AGK: variants seen among roughly 807,000 people sequenced by gnomAD.
AGK encodes acylglycerol kinase, mitochondrial.
AGK carries 52 observed loss-of-function variants against 66.4 expected under a neutral mutation model. The ratio of observed to expected loss-of-function variants is 0.78; its 90% CI spans 0.63 to 0.99. AGK has a LOEUF of 0.99. AGK is among the 50% of genes least tolerant of loss of function. AGK has a pLI of 0.00. For missense variants in AGK, 451 were observed against 506.6 expected, an observed-to-expected ratio of 0.89 and a Z score of 1.05; for synonymous variants, 182 against 181.1, an observed-to-expected ratio of 1.00 and a Z score of -0.04.
At chr7:141,649,129 G>T in intron 13 of AGK, 134 bp from the exon 14 acceptor site, 2 of 437,890 alleles carry the variant, frequency 4.6e-6, no homozygotes, top group Non-Finnish European at 8.2e-6. Flanking sequence ...AATAGGTTTG[G>T]AATTAAATCA....
chr7:141,641,020 GC>G (rs1797275739), intron 11 of AGK, among the ~76,000 whole-genome samples: 1 of 152,132 alleles, frequency 6.6e-6, no homozygotes, highest in Non-Finnish European at 1.5e-5. Flanking sequence ...TTTAGGGGGA[GC>G]AATGGAGGCA....
At position 141,650,751 on chromosome 7, in the gene AGK, C is replaced by T. The variant is rs916846877; in HGVS notation, c.1047-774C>T. 34 of 880,800 alleles carry T rather than the reference C, an allele frequency of 3.9e-5. No individual in the cohort carries two copies. The African/African-American group carries it at 5.6e-4, about 15-fold the overall frequency. 54.6% of individuals were successfully genotyped at this position (880,800 alleles called of 1,614,324 possible). A position where few individuals can be genotyped will look rare whatever the true frequency, so the allele number is the denominator to read the frequency against. ...AAGTAGACCGCGTTATAAATACAGT[C>T]ATCCCACGGTATCCTTGGGGTATTG... On this transcript the variant is annotated intron_variant, in intron 14 of 15. Transcript: ENST00000649286.
intron 2 of AGK, among the ~76,000 whole-genome samples, chr7:141,586,042 G>A (rs1479329285): frequency 6.6e-6 from 1 of 152,036 alleles, no homozygotes; most frequent in Non-Finnish European, 1.5e-5. Flanking sequence ...GAGGTCTTCA[G>A]TTCACATTCA....
chr7:141,609,038 G>A (rs1796521461), intron 5 of AGK, among the ~76,000 whole-genome samples: 1 of 152,112 alleles, frequency 6.6e-6, no homozygotes, highest in Non-Finnish European at 1.5e-5. Context: ...TAACTATAAA[G>A]CCCATAATTT....
At chr7:141,599,225 T>G (rs1796290134) in intron 4 of AGK, 1 of 152,166 alleles carries the variant, frequency 6.6e-6, no homozygotes, top group Non-Finnish European at 1.5e-5. Context: ...CATTATGTAG[T>G]ACTGGTTTAA....
At chr7:141,620,944 G>T (rs1796810509) in intron 8 of AGK, among the ~76,000 whole-genome samples, 1 of 152,188 alleles carries the variant, frequency 6.6e-6, no homozygotes, top group African/African-American at 2.4e-5. Context: ...ATTCTAGTCA[G>T]CTCCAGCCTT....
chr7:141,607,133 G>A (rs116459531), intron 5 of AGK, among the ~76,000 whole-genome samples: 9 of 152,018 alleles, frequency 5.9e-5, no homozygotes, highest in African/African-American at 1.9e-4. Context: ...GCAGGTTCTC[G>A]GGTGGACATA....
intron 9 of AGK, among the ~76,000 whole-genome samples, chr7:141,633,473 T>A (rs770734454): frequency 7.2e-5 from 11 of 152,230 alleles, no homozygotes; most frequent in Non-Finnish European, 1.5e-5. Flanking sequence ...AGGTGAAACA[T>A]TCTAGAGTAC....
rs1331967316 is a variant in AGK at position 141,598,007 on chromosome 7, C to T, written c.221+1366C>T. Among the ~76,000 whole-genome samples the T allele has an allele frequency of 6.8e-6, 1 of 146,202 alleles. No individual in the cohort carries two copies. The highest frequency in any genetic ancestry group is 1.5e-5 in the Non-Finnish European group (1 of 66,732). The stretch of plus-strand genomic sequence containing the variant: ...GACATTAAGGTAATAAGAACAACAA[C>T]AAGAAAGATAGTTTGGGCTGAATTG... On this transcript the variant is annotated intron_variant, in intron 4 of 15. Transcript: ENST00000649286. The surrounding 1 kb of genome is among the most constrained non-coding windows in gnomAD (Gnocchi z 4.2).
rs1796274872 is a variant in AGK, at chr7:141,598,558, T to C, written c.221+1917T>C. Among the ~76,000 whole-genome samples the C allele has an allele frequency of 6.6e-6, 1 of 152,214 alleles. No individual in the cohort carries two copies. Among genetic ancestry groups the C allele is most frequent in the South Asian group, 2.1e-4 (1 of 4,828 alleles). On this transcript the variant is annotated intron_variant, in intron 4 of 15. Transcript: ENST00000649286. This position sits in a 1 kb window ranked among gnomAD's most constrained non-coding sequence, Gnocchi z 4.2. ...AGGCAATAGTACATACTTTAAAAAT[T>C]ATTATGTGGAATAGGGACCTTTGGT...
chr7:141,624,024 GT>G (rs1796882661), intron 9 of AGK, among the ~76,000 whole-genome samples: 1 of 151,998 alleles, frequency 6.6e-6, no homozygotes, highest in Non-Finnish European at 1.5e-5. Flanking sequence ...TTACAGCATA[GT>G]TTACTGAATA....
chr7:141,637,088 AT>A (rs199629817), intron 11 of AGK, 71 bp downstream of exon 11: 2,048 of 1,260,866 alleles, frequency 1.6e-3, no homozygotes, highest in South Asian at 2.3e-3. Context: ...TATATTTGGT[AT>A]TTTTTTTTAA....
chr7:141,628,877 ATAACT>A (rs1338223818), intron 9 of AGK, among the ~76,000 whole-genome samples: 1 of 152,218 alleles, frequency 6.6e-6, no homozygotes, highest in Non-Finnish European at 1.5e-5. Flanking sequence ...ATGATGCCTG[ATAACT>A]TGACTTTAAA....
chr7:141,637,093 T>G, intron 11 of AGK, 76 bp downstream of exon 11: 1 of 1,241,572 alleles, frequency 8.1e-7, no homozygotes, highest in Non-Finnish European at 1.2e-6. Flanking sequence ...TTGGTATTTT[T>G]TTTTAATTCC....
chr7:141,611,043 C>A, intron 5 of AGK, 152 bp from the exon 6 acceptor site: 1 of 518,314 alleles, frequency 1.9e-6, no homozygotes, highest in Non-Finnish European at 3.5e-6. Context: ...TACATAATTG[C>A]TTTGATAGCT....
At chr7:141,647,777 T>A (rs1392939235) in intron 13 of AGK, among the ~76,000 whole-genome samples, 1 of 152,068 alleles carries the variant, frequency 6.6e-6, no homozygotes, top group Non-Finnish European at 1.5e-5. Flanking sequence ...TTCTAGCGAT[T>A]CTCCCGCCTC....
chr7:141,583,410 C>T (rs1007898162), intron 2 of AGK, among the ~76,000 whole-genome samples: 14 of 135,566 alleles, frequency 1.0e-4, no homozygotes, highest in South Asian at 4.9e-4. Flanking sequence ...GGTAGAGACA[C>T]GGAGAGAAGG....
chr7:141,637,146 C>T, intron 11 of AGK, 129 bp downstream of exon 11: 1 of 674,122 alleles, frequency 1.5e-6, no homozygotes, highest in Non-Finnish European at 2.5e-6. Context: ...TAAAACAGGG[C>T]ATGTTTGATT....
chr7:141,560,820 G>A lies in AGK; in HGVS notation c.101+5253G>A, dbSNP rs557245144. Among the ~76,000 whole-genome samples, 44 of 120,444 alleles carry A rather than the reference G, an allele frequency of 3.7e-4. 2 individuals are homozygous for A. The South Asian group carries it at 0.01, about 28-fold the overall frequency. 79.0% of individuals were successfully genotyped at this position (120,444 alleles called of 152,430 possible). On this transcript the variant is annotated intron_variant, in intron 2 of 15. Transcript: ENST00000649286. ...CTTTTTTTTTTTTTTTTTTTGAGCC[G>A]GAGTCTCGCTCTGTCGCCCAGGCTG...
Sources: allele counts gnomAD v4.1 joint callset (sites outside exome capture counted in the v4.1 genomes callset), GRCh38; gene constraint gnomAD v4.1.1; non-coding constraint Gnocchi (gnomAD v3.1); transcripts MANE v1.5; gene names NCBI Gene and HGNC (gene_info 2026-07-23, HGNC 2026-07-21).